The following SCN3A variants were observed in gnomAD, a reference collection of about 807,000 sequenced individuals.
The protein encoded by SCN3A is sodium channel protein type 3 subunit alpha.
Under a neutral mutation model 187.6 loss-of-function variants are expected in SCN3A, and 60 were observed. That is an observed-to-expected ratio of 0.32 (90% CI 0.26 to 0.40). SCN3A has a LOEUF of 0.40. Among genes scored for constraint, SCN3A ranks in the 10% least tolerant of loss-of-function variants. SCN3A has a pLI of 1.00. For missense variants in SCN3A, 1,601 were observed against 2,428.2 expected (o/e 0.66, Z 7.16); for synonymous variants, 788 against 829.2 (o/e 0.95, Z 0.85).
chr2:165,193,672 G>C (rs994917765), intron 1 of SCN3A, among the ~76,000 whole-genome samples: 3 of 152,130 alleles, frequency 2.0e-5, no homozygotes, highest in Non-Finnish European at 4.4e-5. Flanking sequence ...TGAGTGTTGA[G>C]AGTCGATTGC....
chr2:165,199,816 A>G (rs998759574), intron 1 of SCN3A, among the ~76,000 whole-genome samples: 9 of 152,064 alleles, frequency 5.9e-5, no homozygotes, highest in Admixed American at 2.6e-4. Flanking sequence ...TTAAGAGGAA[A>G]CACTATTCTG....
At chr2:165,162,013 G>A (rs573329333) in intron 9 of SCN3A, among the ~76,000 whole-genome samples, 4 of 152,152 alleles carry the variant, frequency 2.6e-5, no homozygotes, top group African/African-American at 4.8e-5. Context: ...TAACAGCTCT[G>A]ATAGATGTAC....
At chr2:165,146,267 A>G (rs1688314325) in intron 12 of SCN3A, among the ~76,000 whole-genome samples, 1 of 151,984 alleles carries the variant, frequency 6.6e-6, no homozygotes, top group Non-Finnish European at 1.5e-5. Context: ...TAACAAAGGC[A>G]GAAACCCATT....
chr2:165,185,275 A>G (rs1242116646), intron 2 of SCN3A, among the ~76,000 whole-genome samples: 1 of 152,194 alleles, frequency 6.6e-6, no homozygotes, highest in African/African-American at 2.4e-5. Flanking sequence ...TTATCTCTTT[A>G]ATGTTTCTAT....
rs758752167 is a variant in SCN3A, at chr2:165,131,218, C to T, written c.2565+26G>A. ...TCAAAATAAATGTTGTGCCAATGAG[C>T]GACAGGGATATATATAAATAGATAC... On this transcript the variant is annotated intron_variant, in intron 16 of 27. Coordinates refer to ENST00000283254, the MANE Select transcript of SCN3A (RefSeq NM_006922.4). The T allele has an allele frequency of 6.8e-6, 10 of 1,462,092 alleles. No homozygotes were observed. In the South Asian group the frequency reaches 7.8e-5, roughly 11 times the overall value. 90.6% of individuals were successfully genotyped at this position (1,462,092 alleles called of 1,614,324 possible).
Position 165,095,578 on chromosome 2 carries a change from C to A in SCN3A, c.4364G>T (p.Gly1455Val). 6.3e-7 allele frequency: 1 copy of A among 1,593,842 alleles called. No individual in the cohort carries two copies. Among genetic ancestry groups the A allele is most frequent in the Non-Finnish European group, 8.6e-7 (1 of 1,162,106 alleles). The change falls in exon 25 of 28, where the codon GGG (glycine) becomes GTG (valine). Residue 1455 changes from glycine to valine, a missense_variant. Transcript: ENST00000283254. Reference protein sequence around the residue: ...YLYFVIFIIFGSFFTLNLFIG... With the variant: ...YLYFVIFIIFVSFFTLNLFIG... ...GAATAGATTCAGAGTGAAGAATGAC[C>A]CAAAGATGATAAAGATGACAAAGTA...
At chr2:165,155,648 C>T in intron 10 of SCN3A, 114 bp downstream of exon 10, 1 of 1,191,402 alleles carries the variant, frequency 8.4e-7, no homozygotes, top group Non-Finnish European at 1.2e-6. Flanking sequence ...ATCCATCCGC[C>T]TCTGCCTCCC....
intron 21 of SCN3A, among the ~76,000 whole-genome samples, chr2:165,105,327 A>T (rs1341969774): frequency 6.6e-6 from 1 of 152,172 alleles, no homozygotes; most frequent in African/African-American, 2.4e-5. Context: ...TGTCTCTTCC[A>T]GTATATCCTG....
intron 2 of SCN3A, 43 bp from the exon 3 acceptor site, chr2:165,176,487 G>T (rs1039377962): frequency 4.7e-6 from 7 of 1,486,206 alleles, no homozygotes; most frequent in Non-Finnish European, 4.7e-6. Context: ...GAAAGCAAGC[G>T]ATTGGGCATA....
chr2:165,156,846 C>T (rs1574250978), intron 9 of SCN3A, among the ~76,000 whole-genome samples: 1 of 152,068 alleles, frequency 6.6e-6, no homozygotes, highest in South Asian at 2.1e-4. Context: ...GCCACCGCAC[C>T]CAGCCTTAAT....
In SCN3A at chr2:165,113,067, C is replaced by T; in HGVS notation, c.3670-9G>A. 1.2e-6 allele frequency: 2 copies of T among 1,604,346 alleles called. No homozygotes were observed. The highest frequency in any genetic ancestry group is 1.7e-6 in the Non-Finnish European group (2 of 1,173,272). On this transcript the variant is annotated splice_polypyrimidine_tract_variant and intron_variant, in intron 20 of 27. Transcript: ENST00000283254. ...TATATATCTTCAAAGGCCTATGAAT[C>T]AAAAATATTTTATTTTACTTAAATG...
At position 165,139,070 on chromosome 2, in the gene SCN3A, A is replaced by G. The variant is rs192483278; in HGVS notation, c.2152+406T>C. Reference sequence around the variant, plus strand: ...TGGAGGACAGGTTTTGATTTGCCCAACTCATTTAAGTGCTCCCGCAACCCC... The same window carrying G: ...TGGAGGACAGGTTTTGATTTGCCCAGCTCATTTAAGTGCTCCCGCAACCCC... On this transcript the variant is annotated intron_variant, in intron 14 of 27. Coordinates refer to ENST00000283254, the MANE Select transcript of SCN3A (RefSeq NM_006922.4). Among the ~76,000 whole-genome samples the G allele has an allele frequency of 1.4e-3, 214 of 152,240 alleles. 2 individuals are homozygous for G. The highest frequency in any genetic ancestry group is 2.5e-3 in the Non-Finnish European group (170 of 68,018).
In SCN3A at chr2:165,115,384, T is replaced by A. The variant is rs896421149; in HGVS notation, c.3514+71A>T. The A allele has an allele frequency of 2.6e-5, 42 of 1,589,582 alleles. No individual in the cohort carries two copies. In the African/African-American group the frequency reaches 5.0e-4, roughly 19 times the overall value. ...ACCTCGTTTCATAAATTTTTTTTTT[T>A]AAATGAGGCATATTCAGTCTCCGTA... is the stretch of plus-strand genomic sequence containing the variant. On this transcript the variant is annotated intron_variant, in intron 19 of 27. Coordinates refer to ENST00000283254, the MANE Select transcript of SCN3A (RefSeq NM_006922.4).
chr2:165,177,924 A>G (rs1385988021), intron 2 of SCN3A, among the ~76,000 whole-genome samples: 1 of 152,150 alleles, frequency 6.6e-6, no homozygotes, highest in African/African-American at 2.4e-5. Context: ...AGAACCTACC[A>G]CTATGGCACC....
At chr2:165,138,936 T>G (rs1049889649) in intron 14 of SCN3A, among the ~76,000 whole-genome samples, 1 of 152,192 alleles carries the variant, frequency 6.6e-6, no homozygotes, top group African/African-American at 2.4e-5. Flanking sequence ...CCTATTCCTC[T>G]GTGTCAAAAT....
intron 15 of SCN3A, among the ~76,000 whole-genome samples, chr2:165,133,363 A>T (rs1238192475): frequency 1.3e-5 from 2 of 151,110 alleles, no homozygotes; most frequent in South Asian, 2.1e-4. Flanking sequence ...TATTTTTATT[A>T]TTTTTTTTTG....
chr2:165,130,562 C>T (rs1353748548), intron 16 of SCN3A: 8 of 442,928 alleles, frequency 1.8e-5, no homozygotes, highest in Middle Eastern at 6.1e-4. Flanking sequence ...AAAGATATGC[C>T]CATGTAAACA....
rs1322256532 is a variant in SCN3A, at chr2:165,168,950, GATAAA to G, written c.384-130_384-126del. 14 of 680,058 alleles carry G rather than the reference GATAAA, an allele frequency of 2.1e-5. No individual in the cohort carries two copies. The Middle Eastern group carries it at 2.0e-3, about 99-fold the overall frequency. 42.1% of individuals were successfully genotyped at this position (680,058 alleles called of 1,614,324 possible). A position where few individuals can be genotyped will look rare whatever the true frequency, so the allele number is the denominator to read the frequency against. On this transcript the variant is annotated intron_variant, in intron 4 of 27. Transcript: ENST00000283254. ...TTAATATTATTTGTTTTAAAACAAT[GATAAA>G]ATAATAAGAAACTTCAAAGCCTGTG...
intron 21 of SCN3A, among the ~76,000 whole-genome samples, chr2:165,109,918 C>G (rs1423037996): frequency 6.6e-6 from 1 of 152,100 alleles, no homozygotes; most frequent in Admixed American, 6.6e-5. Context: ...CATACAAGTA[C>G]GCCAGTTTCT....
Sources: gnomAD v4.1 joint callset for allele counts (sites outside exome capture counted in the v4.1 genomes callset) on GRCh38, gnomAD v4.1.1 for gene constraint, MANE v1.5 for transcripts, NCBI Gene and HGNC (gene_info 2026-07-23, HGNC 2026-07-21) for gene names.